The following GPHN variants were observed in gnomAD, a reference collection of about 807,000 sequenced individuals.
GPHN encodes gephyrin.
A neutral mutation model predicts 95.5 loss-of-function variants in GPHN; 17 were observed. The observed-to-expected ratio is 0.18, with a 90% CI of 0.12 to 0.27. GPHN has a LOEUF of 0.27. Among genes scored for constraint, GPHN ranks in the 10% least tolerant of loss-of-function variants. The pLI is 1.00. For synonymous variants in GPHN, 320 were observed against 322.5 expected, an observed-to-expected ratio of 0.99 and a Z score of 0.08; for missense variants, 660 against 978.1, an observed-to-expected ratio of 0.67 and a Z score of 4.34.
At chr14:67,580,836 A>T in the GPHN span, 1 of 734,370 alleles carries the variant, frequency 1.4e-6, no homozygotes, top group Non-Finnish European at 2.3e-6. Flanking sequence ...ACTTTTCCTT[A>T]GTTTTCTTTG....
chr14:66,722,755 TA>T (rs773415859), intron 2 of GPHN, among the ~76,000 whole-genome samples: 8 of 152,148 alleles, frequency 5.3e-5, no homozygotes, highest in Non-Finnish European at 8.8e-5. Flanking sequence ...TAAAGCTTAT[TA>T]AAAAACAACA....
chr14:66,882,611 A>G (rs2063982729), intron 5 of GPHN, among the ~76,000 whole-genome samples: 1 of 151,828 alleles, frequency 6.6e-6, no homozygotes, highest in South Asian at 2.1e-4. Context: ...AAAGATGTTA[A>G]TAGTACCAAA....
rs528183548 is a variant in GPHN at position 66,845,871 on chromosome 14, G to T, written c.294+21305G>T. On this transcript the variant is annotated intron_variant, in intron 4 of 22. Coordinates refer to ENST00000478722, the MANE Select transcript of GPHN (RefSeq NM_020806.5). ...TGTGTGTGTGTGTGTCTGTGTGCGT[G>T]CGCACACGTGAACGTGTGTCTGTGT... Among the ~76,000 whole-genome samples, 441 of 151,804 alleles carry T rather than the reference G, an allele frequency of 2.9e-3. 3 individuals are homozygous for T. Among genetic ancestry groups the T allele is most frequent in the African/African-American group, 0.01 (423 of 41,298 alleles).
At chr14:67,349,079 T>C in the GPHN span, 1 of 1,614,138 alleles carries the variant, frequency 6.2e-7, no homozygotes, top group East Asian at 2.2e-5. Context: ...ACTTGCGCTT[T>C]ATTGACATTT....
chr14:66,775,557 A>G (rs1216321148), intron 2 of GPHN, among the ~76,000 whole-genome samples: 2 of 152,212 alleles, frequency 1.3e-5, no homozygotes, highest in East Asian at 1.9e-4. Flanking sequence ...TCTGTTTTTC[A>G]TACTAAGTAT....
At chr14:66,865,057 A>G (rs2063175826) in intron 4 of GPHN, among the ~76,000 whole-genome samples, 1 of 152,198 alleles carries the variant, frequency 6.6e-6, no homozygotes, top group African/African-American at 2.4e-5. Context: ...TGAGCTAAAA[A>G]TGAAAACAAC....
Position 67,028,965 on chromosome 14 carries a change from T to C in GPHN, c.1006+5290T>C, listed in dbSNP as rs1341810513. 2.6e-5 allele frequency among the ~76,000 whole-genome samples: 4 copies of C among 152,236 alleles called. No homozygotes were observed. The East Asian group carries it at 7.7e-4, about 29-fold the overall frequency. On this transcript the variant is annotated intron_variant, in intron 10 of 22. Coordinates refer to ENST00000478722, the MANE Select transcript of GPHN (RefSeq NM_020806.5). Reference sequence around the variant, plus strand: ...TACCAGTGTCCTAAAGTGTTTCTTCTGTGTTTTCGTCTAGCAGTTTTATAG... The same window carrying C: ...TACCAGTGTCCTAAAGTGTTTCTTCCGTGTTTTCGTCTAGCAGTTTTATAG...
Position 66,508,576 on chromosome 14 carries a change from G to A in GPHN, c.49G>A (p.Val17Ile), listed in dbSNP as rs550187024. ...ILTNHDHQIR[V>I]GVLTVSDSCF... Reference sequence around the variant, plus strand: ...TACTAACCACGACCATCAAATCCGTGTCGGAGTCCTTACAGGTAACCGGGG... The same window carrying A: ...TACTAACCACGACCATCAAATCCGTATCGGAGTCCTTACAGGTAACCGGGG... The change falls in exon 1 of 23, where the codon GTC becomes ATC. Residue 17 changes from valine to isoleucine, a missense_variant. Physicochemically the swap from Val to Ile is conservative, Grantham distance 29 (BLOSUM62 3). Around this residue, in one of 6 missense-constraint regions of GPHN, gnomAD observed 92 missense variants for 91.9 expected, o/e 1.00. Coordinates refer to ENST00000478722, the MANE Select transcript of GPHN (RefSeq NM_020806.5). The A allele has an allele frequency of 3.0e-5, 48 of 1,614,010 alleles. 2 individuals are homozygous for A. In the South Asian group the frequency reaches 4.6e-4, roughly 16 times the overall value.
intron 17 of GPHN, among the ~76,000 whole-genome samples, chr14:67,139,406 C>G (rs1376066859): frequency 1.3e-5 from 2 of 152,098 alleles, no homozygotes; most frequent in African/African-American, 4.8e-5. Flanking sequence ...CCAGCATCCT[C>G]TCTTTCTGAT....
intron 1 of GPHN, among the ~76,000 whole-genome samples, chr14:66,566,447 C>T (rs1305213240): frequency 4.0e-5 from 6 of 151,870 alleles, no homozygotes; most frequent in East Asian, 1.9e-4. Context: ...AATAAAATAC[C>T]GAGGAATTGT....
At chr14:67,292,358 A>C in the GPHN span, among the ~76,000 whole-genome samples, 1 of 152,224 alleles carries the variant, frequency 6.6e-6, no homozygotes, top group Non-Finnish European at 1.5e-5. Flanking sequence ...CTTAAAACCT[A>C]TGAAATGACC....
the GPHN span, chr14:67,729,064 C>T: frequency 6.3e-6 from 6 of 945,614 alleles, no homozygotes; most frequent in Non-Finnish European, 5.1e-6. Context: ...AGGAGTGGTA[C>T]CTGCTGAATC....
At chr14:67,071,415 T>A (rs2076301974) in intron 11 of GPHN, among the ~76,000 whole-genome samples, 1 of 150,172 alleles carries the variant, frequency 6.7e-6, no homozygotes, top group Non-Finnish European at 1.5e-5. Flanking sequence ...TTCTCACTCA[T>A]AGGTGGGAAT....
At chr14:66,735,265 T>A (rs1435157603) in intron 2 of GPHN, among the ~76,000 whole-genome samples, 1 of 152,154 alleles carries the variant, frequency 6.6e-6, no homozygotes, top group Non-Finnish European at 1.5e-5. Flanking sequence ...CTCAAGGTAG[T>A]TCGCAGTTTC....
the GPHN span, among the ~76,000 whole-genome samples, chr14:67,357,574 C>T: frequency 6.6e-6 from 1 of 152,122 alleles, no homozygotes; most frequent in African/African-American, 2.4e-5. Context: ...GTAAAAGTTT[C>T]AAAGTAAAAA....
At chr14:66,624,374 G>C (rs1353886022) in intron 1 of GPHN, among the ~76,000 whole-genome samples, 1 of 152,192 alleles carries the variant, frequency 6.6e-6, no homozygotes, top group Non-Finnish European at 1.5e-5. Context: ...TGCTAGATTT[G>C]AGGAAAGTTT....
At chr14:67,504,769 C>T in the GPHN span, among the ~76,000 whole-genome samples, 1 of 152,170 alleles carries the variant, frequency 6.6e-6, no homozygotes, top group Non-Finnish European at 1.5e-5. Context: ...CCCATAATCC[C>T]AGCTACTCGG....
chr14:67,579,495 GATT>G, the GPHN span: 1 of 663,276 alleles, frequency 1.5e-6, no homozygotes, highest in African/African-American at 1.8e-5. Context: ...GCCTCCAAAA[GATT>G]GTTGGTAAAG....
chr14:67,080,287 G>A (rs527962806), intron 11 of GPHN, among the ~76,000 whole-genome samples: 1 of 151,644 alleles, frequency 6.6e-6, no homozygotes, highest in Non-Finnish European at 1.5e-5. Context: ...AGTTGTAAGA[G>A]CTCTTTATGT....
Sources: gnomAD v4.1 joint callset for allele counts (sites outside exome capture counted in the v4.1 genomes callset) on GRCh38, gnomAD v4.1.1 for gene constraint, gnomAD v4.1.1 regional missense constraint, MANE v1.5 for transcripts, NCBI Gene and HGNC (gene_info 2026-07-23, HGNC 2026-07-21) for gene names.